Variants in LAMA4 observed in about 807,000 individuals in gnomAD.
LAMA4 encodes the protein laminin subunit alpha-4.
In LAMA4, 127 loss-of-function variants were observed where a neutral mutation model predicts 207.1. That is an observed-to-expected ratio of 0.61 (90% CI 0.53 to 0.71). The LOEUF (loss-of-function observed/expected upper bound fraction) is 0.71, where lower values mean the gene tolerates loss of function less well. LAMA4 is among the 30% of genes least tolerant of loss of function. The pLI, the probability that LAMA4 is intolerant of heterozygous loss-of-function variation, is 0.00. For missense variants in LAMA4, 2,093 were observed against 2,246.5 expected, an observed-to-expected ratio of 0.93 and a Z score of 1.38; for synonymous variants, 761 against 816.0, an observed-to-expected ratio of 0.93 and a Z score of 1.15.
At chr6:112,114,539 T>G (rs1777898657) in intron 37 of LAMA4, 124 bp downstream of exon 37, 1 of 752,712 alleles carries the variant, frequency 1.3e-6, no homozygotes, top group South Asian at 1.5e-5. Flanking sequence ...TAACATGATT[T>G]TCTTTTCTTG....
chr6:112,235,556 G>A (rs1393701297), intron 2 of LAMA4, among the ~76,000 whole-genome samples: 4 of 152,126 alleles, frequency 2.6e-5, no homozygotes, highest in Non-Finnish European at 5.9e-5. Flanking sequence ...GTTTCTTAAG[G>A]TCATGTGGAA....
chr6:112,130,818 A>AT (rs782037100), intron 29 of LAMA4, 150 bp downstream of exon 29: 2 of 760,956 alleles, frequency 2.6e-6, no homozygotes, highest in Non-Finnish European at 4.5e-6. Context: ...TAATAGCAAT[A>AT]TTTTTTTGAG....
intron 25 of LAMA4, among the ~76,000 whole-genome samples, chr6:112,135,140 G>A (rs569376558): frequency 2.6e-5 from 4 of 152,042 alleles, no homozygotes; most frequent in Non-Finnish European, 4.4e-5. Flanking sequence ...TGTGTGTTAC[G>A]CACACTTAAC....
chr6:112,212,460 GT>G lies in LAMA4; in HGVS notation c.297+3907del, dbSNP rs549124272. Reference sequence around the variant, plus strand: ...GATGGTCTCGAACACCTGACCTCAGGTGATCCTCCCACCTCGGCCTCCCAAA... The same window carrying G: ...GATGGTCTCGAACACCTGACCTCAGGGATCCTCCCACCTCGGCCTCCCAAA... On this transcript the variant is annotated intron_variant, in intron 3 of 38. Coordinates refer to ENST00000230538, the MANE Select transcript of LAMA4 (RefSeq NM_001105206.3). 9.2e-5 allele frequency among the ~76,000 whole-genome samples: 14 copies of G among 152,228 alleles called. No homozygotes were observed. In the East Asian group the frequency reaches 2.7e-3, roughly 29 times the overall value.
chr6:112,159,366 T>A (rs1367068417), intron 13 of LAMA4: 1 of 168,890 alleles, frequency 5.9e-6, no homozygotes, highest in African/African-American at 2.4e-5. Context: ...ATGGACATCA[T>A]TCAGTTTTCA....
At position 112,123,226 on chromosome 6, in the gene LAMA4, T is replaced by G. The variant is rs587644237; in HGVS notation, c.4288-1025A>C. On this transcript the variant is annotated intron_variant, in intron 31 of 38. Coordinates refer to ENST00000230538, the MANE Select transcript of LAMA4 (RefSeq NM_001105206.3). Reference sequence around the variant, plus strand: ...AAGGCCTGATAGAAGAGGAAATGTGTGGCAGCAGGGAGGACAGAGGCAGGA... The same window carrying G: ...AAGGCCTGATAGAAGAGGAAATGTGGGGCAGCAGGGAGGACAGAGGCAGGA... Among the ~76,000 whole-genome samples the G allele has an allele frequency of 3.3e-5, 5 of 152,166 alleles. No homozygotes were observed. The East Asian group carries it at 9.7e-4, about 29-fold the overall frequency.
Position 112,109,293 on chromosome 6 carries a change from C to T in LAMA4, c.*144G>A. On this transcript the variant is annotated 3_prime_UTR_variant, in exon 39 of 39. Transcript: ENST00000230538. ...AATCCAAATGAGAAATAAGAAATAT[C>T]CGGTCCCTGATGATTCGTTTAAGTC... The T allele has an allele frequency of 1.2e-6, 1 of 860,644 alleles. No homozygotes were observed. Among genetic ancestry groups the T allele is most frequent in the Non-Finnish European group, 1.9e-6 (1 of 537,230 alleles). The allele number at this position is 860,644 out of a possible 1,614,324, so 53.3% of individuals were successfully genotyped here. A position where few individuals can be genotyped will look rare whatever the true frequency, so the allele number is the denominator to read the frequency against.
chr6:112,231,758 C>A (rs1264423730), intron 2 of LAMA4, among the ~76,000 whole-genome samples: 1 of 152,168 alleles, frequency 6.6e-6, no homozygotes, highest in African/African-American at 2.4e-5. Flanking sequence ...CTGGCCCCAC[C>A]TAACAGGAAA....
intron 38 of LAMA4, among the ~76,000 whole-genome samples, chr6:112,111,275 C>T (rs1562618926): frequency 6.6e-6 from 1 of 152,158 alleles, no homozygotes; most frequent in Non-Finnish European, 1.5e-5. Context: ...ACCTCCTGAG[C>T]TCAAGTGATC....
chr6:112,185,125 T>A lies in LAMA4; in HGVS notation c.1077+112A>T, dbSNP rs182948854. The A allele has an allele frequency of 5.1e-6, 4 of 783,300 alleles. No individual in the cohort carries two copies. The Admixed American group carries it at 6.9e-5, about 13-fold the overall frequency. 48.5% of individuals were successfully genotyped at this position (783,300 alleles called of 1,614,324 possible). On this transcript the variant is annotated intron_variant, in intron 9 of 38. Coordinates refer to ENST00000230538, the MANE Select transcript of LAMA4 (RefSeq NM_001105206.3). ...ATTTATTTTAAGGCACATGGGTCAC[T>A]GCATTTTTTCTGGGCTGTGTTAAGC...
intron 3 of LAMA4, among the ~76,000 whole-genome samples, chr6:112,214,487 T>C (rs1307153234): frequency 1.3e-5 from 2 of 152,190 alleles, no homozygotes; most frequent in Non-Finnish European, 2.9e-5. Flanking sequence ...CTTCAAGCCA[T>C]TTATAATTAA....
At chr6:112,228,035 G>C (rs1554363134) in intron 2 of LAMA4, among the ~76,000 whole-genome samples, 1 of 152,164 alleles carries the variant, frequency 6.6e-6, no homozygotes, top group African/African-American at 2.4e-5. Flanking sequence ...GGGTTTAGAG[G>C]CCAGTTTTCT....
At chr6:112,245,989 G>A (rs1382485717) in intron 2 of LAMA4, among the ~76,000 whole-genome samples, 2 of 152,102 alleles carry the variant, frequency 1.3e-5, no homozygotes, top group Non-Finnish European at 2.9e-5. Flanking sequence ...TTTCCCCCAA[G>A]TTTCTCATGA....
chr6:112,124,018 T>A (rs1424948312), intron 31 of LAMA4, among the ~76,000 whole-genome samples: 1 of 152,206 alleles, frequency 6.6e-6, no homozygotes, highest in Admixed American at 6.5e-5. Flanking sequence ...TTAACTCTAA[T>A]GTCTTAGGAA....
chr6:112,201,557 C>G (rs781980935), intron 5 of LAMA4, 51 bp downstream of exon 5: 6 of 1,446,534 alleles, frequency 4.1e-6, no homozygotes, highest in Non-Finnish European at 5.8e-6. Flanking sequence ...GTGTGAGAAA[C>G]AGAAAGCTTC....
At chr6:112,135,063 A>T (rs1438193313) in intron 25 of LAMA4, among the ~76,000 whole-genome samples, 2 of 152,178 alleles carry the variant, frequency 1.3e-5, no homozygotes, top group Non-Finnish European at 2.9e-5. Flanking sequence ...AATCAAGGTA[A>T]GAGACATATC....
intron 2 of LAMA4, chr6:112,219,082 A>C (rs1554359672): frequency 2.0e-5 from 3 of 152,178 alleles, no homozygotes; most frequent in Non-Finnish European, 4.4e-5. Flanking sequence ...TTTAGGTGGA[A>C]ATATTTCATC....
intron 37 of LAMA4, 58 bp downstream of exon 37, chr6:112,114,605 C>A: frequency 8.8e-7 from 1 of 1,134,940 alleles, no homozygotes; most frequent in Non-Finnish European, 1.3e-6. Context: ...CTAAGTTCTG[C>A]CAGATCATAA....
rs1442316351 is a variant in LAMA4 at position 112,108,546 on chromosome 6, A to G, written c.*891T>C. 3.3e-5 allele frequency among the ~76,000 whole-genome samples: 5 copies of G among 152,060 alleles called. No individual in the cohort carries two copies. Among genetic ancestry groups the G allele is most frequent in the Admixed American group, 2.6e-4 (4 of 15,264 alleles). ...GCGATCCTCCCGTCTCAGCCTCCCA[A>G]GTAGCTGGGACTACAGGTGTATGCC... On this transcript the variant is annotated 3_prime_UTR_variant, in exon 39 of 39. Coordinates refer to ENST00000230538, the MANE Select transcript of LAMA4 (RefSeq NM_001105206.3).
Sources: allele counts gnomAD v4.1 joint callset (sites outside exome capture counted in the v4.1 genomes callset), GRCh38; gene constraint gnomAD v4.1.1; transcripts MANE v1.5; gene names NCBI Gene and HGNC (gene_info 2026-07-23, HGNC 2026-07-21).